The following SPIRE1 variants were observed in gnomAD, a reference collection of about 807,000 sequenced individuals.
SPIRE1 encodes spire type actin nucleation factor 1.
In SPIRE1, 40 loss-of-function variants were observed where a neutral mutation model predicts 94.1. That is an observed-to-expected ratio of 0.43 (90% CI 0.33 to 0.55). SPIRE1 has a LOEUF of 0.55. Ranked by LOEUF, SPIRE1 falls within the 20% of genes least tolerant of loss-of-function variation. The probability of loss-of-function intolerance (pLI) is 0.06; values close to 1 mark genes in which losing one functional copy is unlikely to be tolerated. For synonymous variants in SPIRE1, 376 were observed against 371.7 expected, an observed-to-expected ratio of 1.01 and a Z score of -0.13; for missense variants, 838 against 975.2, an observed-to-expected ratio of 0.86 and a Z score of 1.87.
chr18:12,548,226 AAAAT>A (rs2035230290), intron 2 of SPIRE1, among the ~76,000 whole-genome samples: 2 of 152,242 alleles, frequency 1.3e-5, no homozygotes. Flanking sequence ...AGTTACTCCC[AAAAT>A]AAATAAAATC....
intron 2 of SPIRE1, among the ~76,000 whole-genome samples, chr18:12,555,255 C>T (rs1336749769): frequency 6.6e-6 from 1 of 150,392 alleles, no homozygotes; most frequent in African/African-American, 2.5e-5. Context: ...AGTACCTAAA[C>T]AGAATCCCTG....
At chr18:12,652,605 G>C (rs2038414156) in intron 1 of SPIRE1, among the ~76,000 whole-genome samples, 2 of 151,736 alleles carry the variant, frequency 1.3e-5, no homozygotes, top group East Asian at 3.9e-4. Context: ...ATCTTCTTGG[G>C]TCCTATATCA....
Position 12,602,189 on chromosome 18 carries a change from TAACA to T in SPIRE1, c.372+32869_372+32872del, listed in dbSNP as rs543049208. ...TTGTTGCTTGTAGTTGAAGGCATCCTAACAGACAGCAACATAAGAGATCAGATAA... is the reference window on the plus strand; with the variant it reads ...TTGTTGCTTGTAGTTGAAGGCATCCTGACAGCAACATAAGAGATCAGATAA... On this transcript the variant is annotated intron_variant, in intron 2 of 16. Transcript: ENST00000409402. Among the ~76,000 whole-genome samples, 15 of 152,242 alleles carry T rather than the reference TAACA, an allele frequency of 9.9e-5. No individual in the cohort carries two copies. In the South Asian group the frequency reaches 3.1e-3, roughly 32 times the overall value.
In SPIRE1 at chr18:12,602,388, T is replaced by A. The variant is rs551720950; in HGVS notation, c.372+32674A>T. On this transcript the variant is annotated intron_variant, in intron 2 of 16. Coordinates refer to ENST00000409402, the MANE Select transcript of SPIRE1 (RefSeq NM_001128626.2). ...ATCCCAAATGCTTGATGTTCATTTT[T>A]AATTTTTATTCTATCAATTCATATA... is the stretch of plus-strand genomic sequence containing the variant. 1.7e-4 allele frequency among the ~76,000 whole-genome samples: 26 copies of A among 152,286 alleles called. No individual in the cohort carries two copies. The South Asian group carries it at 3.7e-3, about 22-fold the overall frequency.
At chr18:12,507,705 T>TA (rs202106911) in intron 5 of SPIRE1, among the ~76,000 whole-genome samples, 2,878 of 147,622 alleles carry the variant, frequency 0.019, 43 homozygotes, top group African/African-American at 0.044. Flanking sequence ...TCTCAAAAAA[T>TA]AAAAAAAAAA....
intron 2 of SPIRE1, among the ~76,000 whole-genome samples, chr18:12,600,102 C>CAAAAAA (rs58628339): frequency 8.4e-5 from 10 of 118,428 alleles, no homozygotes; most frequent in South Asian, 2.9e-4. Context: ...CAATGGCCAG[C>CAAAAAA]AAAAAAAAAA....
At chr18:12,602,738 T>C (rs1206558509) in intron 2 of SPIRE1, among the ~76,000 whole-genome samples, 1 of 152,182 alleles carries the variant, frequency 6.6e-6, no homozygotes. Context: ...CCTTTCCTAC[T>C]GTGAAACAAG....
intron 2 of SPIRE1, among the ~76,000 whole-genome samples, chr18:12,620,641 T>C (rs895030551): frequency 5.3e-5 from 8 of 152,242 alleles, no homozygotes; most frequent in African/African-American, 1.7e-4. Context: ...TCAAACCATA[T>C]ACAAAAATTA....
In SPIRE1 at chr18:12,449,800, C is replaced by G; in HGVS notation, c.2109G>C (p.Val703=). The change falls in exon 17 of 17, where the codon GTG becomes GTC. Residue 703 remains valine (V), a synonymous_variant. Coordinates refer to ENST00000409402, the MANE Select transcript of SPIRE1 (RefSeq NM_001128626.2). The part of the protein sequence containing the change: ...MEDWSTMEVC[V]DCKKFISEII... Reference sequence around the variant, plus strand: ...TTTCCGAAATGAACTTCTTGCAGTCCACACACACCTCCATGGTGCTCCAGT... The same window carrying G: ...TTTCCGAAATGAACTTCTTGCAGTCGACACACACCTCCATGGTGCTCCAGT... 5 of 1,614,100 alleles carry G rather than the reference C, an allele frequency of 3.1e-6. No homozygotes were observed. Among genetic ancestry groups the G allele is most frequent in the Non-Finnish European group, 4.2e-6 (5 of 1,180,010 alleles).
chr18:12,536,680 T>A (rs1370766481), intron 3 of SPIRE1, among the ~76,000 whole-genome samples: 1 of 152,128 alleles, frequency 6.6e-6, no homozygotes, highest in Non-Finnish European at 1.5e-5. Flanking sequence ...CCCAACTACT[T>A]GTGGGTAAAA....
intron 1 of SPIRE1, among the ~76,000 whole-genome samples, chr18:12,651,271 C>A (rs578238418): frequency 2.6e-5 from 4 of 152,274 alleles, no homozygotes; most frequent in Non-Finnish European, 4.4e-5. Flanking sequence ...CTACCATTCA[C>A]CCCCACTACC....
At chr18:12,601,851 T>C (rs9955272) in intron 2 of SPIRE1, among the ~76,000 whole-genome samples, 84 of 152,274 alleles carry the variant, frequency 5.5e-4, no homozygotes, top group African/African-American at 1.8e-3. Flanking sequence ...CACCACCTTA[T>C]CAGGCTTTGT....
intron 3 of SPIRE1, among the ~76,000 whole-genome samples, chr18:12,539,990 G>A (rs948359029): frequency 6.6e-6 from 1 of 151,726 alleles, no homozygotes; most frequent in Non-Finnish European, 1.5e-5. Context: ...TAGAAAATGA[G>A]GCCAGTGGTG....
Position 12,542,181 on chromosome 18 carries a change from G to A in SPIRE1, c.603+4493C>T, listed in dbSNP as rs886691650. ...TTTAGTAGAGACGGGGTTTCACCAT[G>A]GTAGTCAGGTCTCGAACTCCTGACC... is the stretch of plus-strand genomic sequence containing the variant. On this transcript the variant is annotated intron_variant, in intron 3 of 16. Coordinates refer to ENST00000409402, the MANE Select transcript of SPIRE1 (RefSeq NM_001128626.2). Among the ~76,000 whole-genome samples the A allele has an allele frequency of 7.9e-5, 12 of 152,068 alleles. No individual in the cohort carries two copies. The East Asian group carries it at 9.7e-4, about 12-fold the overall frequency.
At chr18:12,527,949 C>T (rs868769433) in intron 4 of SPIRE1, among the ~76,000 whole-genome samples, 1 of 151,646 alleles carries the variant, frequency 6.6e-6, no homozygotes, top group African/African-American at 2.4e-5. Flanking sequence ...GCCTGTAGTC[C>T]CAGCTACTAG....
chr18:12,584,214 G>T (rs1485799217), intron 2 of SPIRE1, among the ~76,000 whole-genome samples: 1 of 152,084 alleles, frequency 6.6e-6, no homozygotes, highest in Non-Finnish European at 1.5e-5. Context: ...CAGATCATTT[G>T]AGTTCAGGAG....
At chr18:12,608,606 A>T (rs947953688) in intron 2 of SPIRE1, among the ~76,000 whole-genome samples, 2 of 152,194 alleles carry the variant, frequency 1.3e-5, no homozygotes, top group African/African-American at 4.8e-5. Context: ...GATATGTGTT[A>T]CCCAATTGCT....
chr18:12,535,984 C>T (rs886537267), intron 3 of SPIRE1, among the ~76,000 whole-genome samples: 1 of 151,996 alleles, frequency 6.6e-6, no homozygotes, highest in South Asian at 2.1e-4. Flanking sequence ...AAAAAACAGA[C>T]ACACCCCCAT....
At chr18:12,514,169 C>A (rs1598427638) in intron 4 of SPIRE1, among the ~76,000 whole-genome samples, 1 of 152,286 alleles carries the variant, frequency 6.6e-6, no homozygotes, top group East Asian at 1.9e-4. Context: ...CCCACTCCAG[C>A]CTTATGGTAT....
Sources: allele counts gnomAD v4.1 joint callset (sites outside exome capture counted in the v4.1 genomes callset), GRCh38; gene constraint gnomAD v4.1.1; transcripts MANE v1.5; gene names NCBI Gene and HGNC (gene_info 2026-07-23, HGNC 2026-07-21).